ANO2: variants seen among roughly 807,000 people sequenced by gnomAD.
ANO2 encodes anoctamin-2.
In ANO2, 101 loss-of-function variants were observed where a neutral mutation model predicts 124.2. The ratio of observed to expected loss-of-function variants is 0.81; its 90% confidence interval spans 0.69 to 0.96. ANO2 has a LOEUF of 0.96. ANO2 is among the 40% of genes least tolerant of loss of function. The pLI is 0.00. For synonymous variants in ANO2, 486 were observed against 482.5 expected (o/e 1.01, Z -0.09); for missense variants, 1,293 against 1,274.5 (o/e 1.01, Z -0.22).
chr12:5,710,622 T>C (rs1318518417), intron 14 of ANO2, among the ~76,000 whole-genome samples: 1 of 152,132 alleles, frequency 6.6e-6, no homozygotes, highest in Non-Finnish European at 1.5e-5. Context: ...TACTATGAGA[T>C]CTTCAAAGGA....
chr12:5,683,232 G>A (rs1948576304), intron 14 of ANO2, among the ~76,000 whole-genome samples: 2 of 152,108 alleles, frequency 1.3e-5, no homozygotes, highest in Admixed American at 1.3e-4. Flanking sequence ...TAGAAAATAA[G>A]AGCTCAGGTA....
chr12:5,564,494 T>C (rs1565415312), intron 24 of ANO2: 1 of 152,484 alleles, frequency 6.6e-6, no homozygotes, highest in African/African-American at 2.4e-5. Flanking sequence ...ACATGCCTTT[T>C]CCCCTCTGAG....
At chr12:5,656,832 A>G (rs1410955480) in intron 14 of ANO2, among the ~76,000 whole-genome samples, 1 of 152,260 alleles carries the variant, frequency 6.6e-6, no homozygotes, top group Non-Finnish European at 1.5e-5. Flanking sequence ...GGCATGGCCT[A>G]GACACTATTA....
chr12:5,654,379 A>C (rs970123060), intron 14 of ANO2, among the ~76,000 whole-genome samples: 2 of 152,218 alleles, frequency 1.3e-5, no homozygotes, highest in Non-Finnish European at 2.9e-5. Flanking sequence ...CCTTTAAAAC[A>C]TGAATTATGT....
chr12:5,723,144 C>A (rs115901193), intron 14 of ANO2, among the ~76,000 whole-genome samples: 53 of 152,260 alleles, frequency 3.5e-4, no homozygotes, highest in African/African-American at 1.2e-3. Flanking sequence ...GGCAGCAATT[C>A]TCCGGAGGTG....
intron 14 of ANO2, among the ~76,000 whole-genome samples, chr12:5,681,536 A>G (rs758977490): frequency 9.9e-5 from 15 of 152,182 alleles, no homozygotes; most frequent in Non-Finnish European, 1.9e-4. Flanking sequence ...TGGCTGAGAA[A>G]TCCTGACCCC....
intron 12 of ANO2, chr12:5,740,160 G>A (rs1021225273): frequency 5.7e-6 from 2 of 350,528 alleles, no homozygotes; most frequent in Admixed American, 4.0e-5. Context: ...GTTATACCAG[G>A]GCTGAACATC....
intron 9 of ANO2, 87 bp from the exon 10 acceptor site, chr12:5,799,658 TC>T: frequency 8.5e-7 from 1 of 1,178,384 alleles, no homozygotes; most frequent in Non-Finnish European, 1.2e-6. Flanking sequence ...CAGATTTTTA[TC>T]CCCAAAGTCC....
At chr12:5,782,649 A>G (rs1189263733) in intron 10 of ANO2, among the ~76,000 whole-genome samples, 13 of 152,308 alleles carry the variant, frequency 8.5e-5, no homozygotes, top group Admixed American at 7.2e-4. Context: ...CCAGATGTAG[A>G]CATAGGAAAT....
At chr12:5,688,485 A>C (rs1464676175) in intron 14 of ANO2, among the ~76,000 whole-genome samples, 1 of 152,206 alleles carries the variant, frequency 6.6e-6, no homozygotes, top group Non-Finnish European at 1.5e-5. Context: ...AGCTGTCTCC[A>C]AACAAAGGTT....
chr12:5,679,879 A>T (rs564908711), intron 14 of ANO2, among the ~76,000 whole-genome samples: 1 of 152,338 alleles, frequency 6.6e-6, no homozygotes, highest in African/African-American at 2.4e-5. Context: ...AAAGACATGG[A>T]ATTAACCTAA....
intron 14 of ANO2, among the ~76,000 whole-genome samples, chr12:5,718,452 C>T (rs1049482788): frequency 6.6e-6 from 1 of 152,160 alleles, no homozygotes; most frequent in Admixed American, 6.5e-5. Flanking sequence ...TTCCCAAAAA[C>T]GTAGTTCACC....
intron 1 of ANO2, among the ~76,000 whole-genome samples, chr12:5,944,820 A>G (rs1202991104): frequency 6.6e-6 from 1 of 151,976 alleles, no homozygotes; most frequent in Non-Finnish European, 1.5e-5. Context: ...TTGTTTACTT[A>G]TTGTTTACTT....
intron 4 of ANO2, among the ~76,000 whole-genome samples, chr12:5,852,848 C>CATGT (rs1555173621): frequency 8.1e-6 from 1 of 123,880 alleles, no homozygotes. Context: ...TGGAAAGGGA[C>CATGT]GTGTGTGTGT....
At chr12:5,790,130 T>C (rs1015164004) in intron 10 of ANO2, among the ~76,000 whole-genome samples, 17 of 152,220 alleles carry the variant, frequency 1.1e-4, no homozygotes, top group African/African-American at 4.1e-4. Context: ...CCTGCCATCA[T>C]GCAGCCTAGA....
intron 20 of ANO2, among the ~76,000 whole-genome samples, chr12:5,592,674 G>C (rs1452072762): frequency 1.3e-5 from 2 of 152,104 alleles, no homozygotes; most frequent in African/African-American, 4.8e-5. Context: ...TAGAAGGAGT[G>C]AAAAAGAAGC....
rs1297053551 is a variant in ANO2 at position 5,900,898 on chromosome 12, G to A, written c.534+20142C>T. On this transcript the variant is annotated intron_variant, in intron 3 of 24. Transcript: ENST00000682330. This position sits in a 1 kb window ranked among gnomAD's most constrained non-coding sequence, Gnocchi z 4.2. ...AGAGAAAGCCCAACAGCTGGGACAGGTCTCAGTCTAGGTCATTCCCCTGCC... is the reference window on the plus strand; with the variant it reads ...AGAGAAAGCCCAACAGCTGGGACAGATCTCAGTCTAGGTCATTCCCCTGCC... 6.6e-6 allele frequency among the ~76,000 whole-genome samples: 1 copy of A among 152,212 alleles called. No individual in the cohort carries two copies. Among genetic ancestry groups the A allele is most frequent in the East Asian group, 1.9e-4 (1 of 5,196 alleles).
At chr12:5,653,985 T>G (rs1188317451) in intron 14 of ANO2, among the ~76,000 whole-genome samples, 2 of 152,214 alleles carry the variant, frequency 1.3e-5, no homozygotes, top group African/African-American at 4.8e-5. Context: ...GAAGTTAGTA[T>G]TATACACAGC....
At chr12:5,581,933 AGTTTT>A (rs1241528487) in intron 20 of ANO2, among the ~76,000 whole-genome samples, 3 of 152,234 alleles carry the variant, frequency 2.0e-5, no homozygotes, top group African/African-American at 4.8e-5. Flanking sequence ...ACAAATAGGA[AGTTTT>A]GTTTTATTTG....
Sources: allele counts gnomAD v4.1 joint callset (sites outside exome capture counted in the v4.1 genomes callset), GRCh38; gene constraint gnomAD v4.1.1; non-coding constraint Gnocchi (gnomAD v3.1); transcripts MANE v1.5; gene names NCBI Gene and HGNC (gene_info 2026-07-23, HGNC 2026-07-21).